Variants in GPHN observed in about 807,000 individuals in gnomAD.
GPHN encodes the protein gephyrin.
Under a neutral mutation model 95.5 loss-of-function variants are expected in GPHN, and 17 were observed. The ratio of observed to expected loss-of-function variants is 0.18; its 90% CI spans 0.12 to 0.27. The LOEUF (loss-of-function observed/expected upper bound fraction) is 0.27, where lower values mean the gene tolerates loss of function less well. GPHN is among the 10% of genes least tolerant of loss of function. GPHN has a pLI of 1.00. For missense variants in GPHN, 660 were observed against 978.1 expected (o/e 0.67, Z 4.34); for synonymous variants, 320 against 322.5 (o/e 0.99, Z 0.08).
chr14:66,556,141 T>C (rs1301324437), intron 1 of GPHN, among the ~76,000 whole-genome samples: 2 of 152,170 alleles, frequency 1.3e-5, no homozygotes, highest in African/African-American at 2.4e-5. Flanking sequence ...AAAAATATGA[T>C]GTTATAATCT....
At chr14:67,654,539 A>AC in the GPHN span, among the ~76,000 whole-genome samples, 3 of 152,174 alleles carry the variant, frequency 2.0e-5, no homozygotes, top group Admixed American at 1.3e-4. Context: ...TGAATGTAGT[A>AC]CTTTATTGTG....
chr14:67,679,385 T>C, the GPHN span, among the ~76,000 whole-genome samples: 8 of 152,156 alleles, frequency 5.3e-5, no homozygotes, highest in Non-Finnish European at 8.8e-5. Flanking sequence ...CCTCTCTTCA[T>C]TGCTGTAATT....
Position 67,132,942 on chromosome 14 carries a change from C to T in GPHN, c.1749-10420C>T, listed in dbSNP as rs561089777. ...TATTAATGTCATTGCTTATTTCACT[C>T]ATTTTTCTAACTTTTTTTCACTGAT... On this transcript the variant is annotated intron_variant, in intron 17 of 22. Coordinates refer to ENST00000478722, the MANE Select transcript of GPHN (RefSeq NM_020806.5). Among the ~76,000 whole-genome samples the T allele has an allele frequency of 4.0e-4, 61 of 151,848 alleles. 1 individual carries two copies. In the South Asian group the frequency reaches 0.012, roughly 30 times the overall value.
At chr14:66,642,805 G>A (rs900524883) in intron 1 of GPHN, among the ~76,000 whole-genome samples, 9 of 151,864 alleles carry the variant, frequency 5.9e-5, no homozygotes, top group Non-Finnish European at 1.2e-4. Flanking sequence ...TATCCTTATA[G>A]AAAATATGCT....
chr14:66,985,131 G>C (rs557281528), intron 9 of GPHN, among the ~76,000 whole-genome samples: 5 of 152,112 alleles, frequency 3.3e-5, no homozygotes, highest in African/African-American at 1.2e-4. Flanking sequence ...TTTCTGGTTG[G>C]GCAGCACAAT....
chr14:67,448,683 G>A, the GPHN span, among the ~76,000 whole-genome samples: 8 of 152,034 alleles, frequency 5.3e-5, no homozygotes, highest in Admixed American at 5.2e-4. Flanking sequence ...AGACAATAAT[G>A]CTGCCCTACT....
At chr14:66,583,795 A>G (rs2061305434) in intron 1 of GPHN, among the ~76,000 whole-genome samples, 1 of 152,194 alleles carries the variant, frequency 6.6e-6, no homozygotes, top group East Asian at 1.9e-4. Context: ...GTGTCCTTGT[A>G]GTATAGTTTG....
At chr14:66,891,087 T>G (rs148470019) in intron 5 of GPHN, among the ~76,000 whole-genome samples, 1 of 151,984 alleles carries the variant, frequency 6.6e-6, no homozygotes, top group East Asian at 1.9e-4. Context: ...CCAGAACACT[T>G]AGGCAATAAA....
chr14:67,401,191 G>A, the GPHN span, among the ~76,000 whole-genome samples: 1 of 151,754 alleles, frequency 6.6e-6, no homozygotes, highest in Non-Finnish European at 1.5e-5. Flanking sequence ...GTCTTTATAA[G>A]AAAAGGTGAT....
chr14:66,597,882 G>T (rs1024874822), intron 1 of GPHN, among the ~76,000 whole-genome samples: 1 of 152,298 alleles, frequency 6.6e-6, no homozygotes, highest in Non-Finnish European at 1.5e-5. Context: ...ATCAATCTAA[G>T]TGTCCATTAA....
At chr14:66,653,789 TC>T (rs1284412894) in intron 1 of GPHN, among the ~76,000 whole-genome samples, 4 of 152,178 alleles carry the variant, frequency 2.6e-5, no homozygotes, top group Non-Finnish European at 5.9e-5. Context: ...AGAGAAGTAT[TC>T]CATGGTATGG....
intron 10 of GPHN, among the ~76,000 whole-genome samples, chr14:67,035,490 C>G (rs948007114): frequency 5.9e-5 from 9 of 151,696 alleles, no homozygotes; most frequent in Non-Finnish European, 4.4e-5. Context: ...TTGACAAACT[C>G]TTAGCTAGAC....
intron 5 of GPHN, among the ~76,000 whole-genome samples, chr14:66,888,842 A>G (rs992868837): frequency 1.3e-5 from 2 of 152,128 alleles, no homozygotes; most frequent in Non-Finnish European, 2.9e-5. Context: ...CATGAGACTC[A>G]TTTTAGATCC....
chr14:67,064,767 A>G (rs2075974668), intron 11 of GPHN, among the ~76,000 whole-genome samples: 2 of 152,188 alleles, frequency 1.3e-5, no homozygotes, highest in African/African-American at 2.4e-5. Flanking sequence ...TTTCTGTGGG[A>G]TCAGTGGTGA....
At chr14:67,238,931 C>T in the GPHN span, among the ~76,000 whole-genome samples, 2 of 152,152 alleles carry the variant, frequency 1.3e-5, no homozygotes, top group Non-Finnish European at 2.9e-5. Flanking sequence ...GTGTAAGCCA[C>T]CATGCCAGGC....
At chr14:67,692,105 C>T in the GPHN span, 1 of 201,108 alleles carries the variant, frequency 5.0e-6, no homozygotes, top group Non-Finnish European at 1.0e-5. Context: ...ACAGCTCCAG[C>T]TCTCAAAGGC....
chr14:67,337,166 T>G, the GPHN span, among the ~76,000 whole-genome samples: 1 of 152,236 alleles, frequency 6.6e-6, no homozygotes, highest in Non-Finnish European at 1.5e-5. Flanking sequence ...AACTAAGACC[T>G]GCTATCTTAT....
chr14:67,154,606 G>GATATAGATAT (rs538826299), intron 18 of GPHN, among the ~76,000 whole-genome samples: 111 of 151,958 alleles, frequency 7.3e-4, no homozygotes, highest in African/African-American at 2.6e-3. Flanking sequence ...TCATTATATA[G>GATATAGATAT]ATATAGATAT....
chr14:67,085,670 TTTG>T (rs1349332032), intron 11 of GPHN, among the ~76,000 whole-genome samples: 1 of 152,250 alleles, frequency 6.6e-6, no homozygotes, highest in Non-Finnish European at 1.5e-5. Context: ...TTTGTAGTTT[TTTG>T]TTGTTGATGA....
Sources: allele counts gnomAD v4.1 joint callset (sites outside exome capture counted in the v4.1 genomes callset), GRCh38; gene constraint gnomAD v4.1.1; transcripts MANE v1.5; gene names NCBI Gene and HGNC (gene_info 2026-07-23, HGNC 2026-07-21).